The following OXCT1 variants were observed in gnomAD, a reference collection of about 807,000 sequenced individuals.
The protein encoded by OXCT1 is succinyl-CoA:3-ketoacid coenzyme A transferase 1, mitochondrial.
Under a neutral mutation model 69.6 loss-of-function variants are expected in OXCT1, and 27 were observed. The observed-to-expected ratio is 0.39, with a 90% CI of 0.29 to 0.54. The LOEUF (loss-of-function observed/expected upper bound fraction) is 0.54. Ranked by LOEUF, OXCT1 falls within the 20% of genes least tolerant of loss-of-function variation. OXCT1 has a pLI of 0.72. For synonymous variants in OXCT1, 202 were observed against 217.8 expected, an observed-to-expected ratio of 0.93 and a Z score of 0.64; for missense variants, 437 against 650.2, an observed-to-expected ratio of 0.67 and a Z score of 3.57.
intron 13 of OXCT1, among the ~76,000 whole-genome samples, chr5:41,791,127 C>G (rs1043017861): frequency 6.6e-6 from 1 of 152,144 alleles, no homozygotes; most frequent in African/African-American, 2.4e-5. Context: ...AACTAAACCT[C>G]ATGGACTTGA....
chr5:41,843,655 A>T, intron 5 of OXCT1: 1 of 453,966 alleles, frequency 2.2e-6, no homozygotes, highest in Non-Finnish European at 4.4e-6. Context: ...ACTGCACAAA[A>T]TGGAGCCATG....
intron 14 of OXCT1, among the ~76,000 whole-genome samples, chr5:41,755,156 A>T (rs1308741171): frequency 1.3e-5 from 2 of 152,040 alleles, no homozygotes; most frequent in Admixed American, 1.3e-4. Context: ...TATTTTAGAA[A>T]ATGTGGAGAC....
intron 13 of OXCT1, among the ~76,000 whole-genome samples, chr5:41,780,985 G>T (rs896961836): frequency 6.6e-6 from 1 of 151,450 alleles, no homozygotes; most frequent in Non-Finnish European, 1.5e-5. Context: ...CTCACTGCAA[G>T]CTCTGCCTCC....
At chr5:41,783,816 C>G (rs1215617677) in intron 13 of OXCT1, among the ~76,000 whole-genome samples, 1 of 152,156 alleles carries the variant, frequency 6.6e-6, no homozygotes, top group Non-Finnish European at 1.5e-5. Flanking sequence ...TTCCAGTGAA[C>G]AGTCAAAGTC....
chr5:41,826,096 C>A (rs1221261451), intron 7 of OXCT1, among the ~76,000 whole-genome samples: 3 of 152,118 alleles, frequency 2.0e-5, no homozygotes, highest in African/African-American at 7.2e-5. Context: ...ACCTTGCTCT[C>A]GTGAAGGTGT....
rs1742631579 is a variant in OXCT1 at position 41,731,632 on chromosome 5, A to G, written c.*97T>C. On this transcript the variant is annotated 3_prime_UTR_variant, in exon 17 of 17. Transcript: ENST00000196371. The stretch of plus-strand genomic sequence containing the variant: ...AACACAAGAAAACTAATAAAAAACC[A>G]CCTGTTAAATACACAATTATGATTA... 6.7e-7 allele frequency: 1 copy of G among 1,498,904 alleles called. No individual in the cohort carries two copies. The highest frequency in any genetic ancestry group is 1.4e-5 in the African/African-American group (1 of 71,728). 92.9% of individuals were successfully genotyped at this position (1,498,904 alleles called of 1,614,324 possible). A position where few individuals can be genotyped will look rare whatever the true frequency, so the allele number is the denominator to read the frequency against.
At chr5:41,810,191 G>A (rs963996514) in intron 7 of OXCT1, among the ~76,000 whole-genome samples, 2 of 151,984 alleles carry the variant, frequency 1.3e-5, no homozygotes, top group Non-Finnish European at 2.9e-5. Context: ...AGGAGCAATG[G>A]GAGGATTAAA....
intron 14 of OXCT1, among the ~76,000 whole-genome samples, chr5:41,757,001 C>T (rs1744108719): frequency 6.6e-6 from 1 of 151,896 alleles, no homozygotes; most frequent in African/African-American, 2.4e-5. Context: ...GTCTACAAAC[C>T]ATGGAAGTCT....
intron 4 of OXCT1, 51 bp downstream of exon 4, chr5:41,853,368 A>T (rs1418587764): frequency 6.5e-7 from 1 of 1,550,262 alleles, no homozygotes; most frequent in Non-Finnish European, 8.9e-7. Flanking sequence ...CGGAGAAAAA[A>T]GGAATTTTTA....
At chr5:41,841,091 C>T (rs1187693390) in intron 6 of OXCT1, among the ~76,000 whole-genome samples, 2 of 152,142 alleles carry the variant, frequency 1.3e-5, no homozygotes, top group Non-Finnish European at 2.9e-5. Flanking sequence ...CATCAGACCC[C>T]GAGGTGTAAA....
intron 4 of OXCT1, among the ~76,000 whole-genome samples, chr5:41,853,207 A>G (rs1386356498): frequency 6.6e-6 from 1 of 152,222 alleles, no homozygotes; most frequent in African/African-American, 2.4e-5. Context: ...TGCAGCCTGG[A>G]TATCTTTTAG....
At chr5:41,822,676 G>T (rs1216415596) in intron 7 of OXCT1, among the ~76,000 whole-genome samples, 1 of 152,056 alleles carries the variant, frequency 6.6e-6, no homozygotes, top group East Asian at 1.9e-4. Flanking sequence ...GTTTCACCAT[G>T]TTCATCAGGC....
intron 7 of OXCT1, among the ~76,000 whole-genome samples, chr5:41,830,366 C>A (rs546544330): frequency 6.6e-6 from 1 of 152,264 alleles, no homozygotes; most frequent in East Asian, 1.9e-4. Context: ...CTTAAAAGAA[C>A]TTGTGTCAAG....
At chr5:41,850,360 C>T (rs1749122851) in intron 4 of OXCT1, among the ~76,000 whole-genome samples, 181 bp from the exon 5 acceptor site, 1 of 152,058 alleles carries the variant, frequency 6.6e-6, no homozygotes, top group African/African-American at 2.4e-5. Context: ...AAGTTACTGC[C>T]CCTCTAGAAC....
intron 16 of OXCT1, among the ~76,000 whole-genome samples, chr5:41,732,785 T>C (rs1193010325): frequency 1.3e-5 from 2 of 152,226 alleles, no homozygotes; most frequent in African/African-American, 4.8e-5. Flanking sequence ...TAATAGAGGT[T>C]AAATCATCAG....
chr5:41,804,653 A>C (rs570345688), intron 9 of OXCT1, among the ~76,000 whole-genome samples: 17 of 152,094 alleles, frequency 1.1e-4, no homozygotes, highest in African/African-American at 3.9e-4. Flanking sequence ...CTTTTCCCCT[A>C]TGTGAGTTTG....
intron 16 of OXCT1, 54 bp downstream of exon 16, chr5:41,739,336 A>T: frequency 1.7e-6 from 2 of 1,148,660 alleles, no homozygotes; most frequent in Admixed American, 1.7e-5. Flanking sequence ...AACACCCATT[A>T]ATCAAGCCTA....
chr5:41,819,687 T>C (rs1172443682), intron 7 of OXCT1, among the ~76,000 whole-genome samples: 1 of 150,858 alleles, frequency 6.6e-6, no homozygotes, highest in Non-Finnish European at 1.5e-5. Context: ...TTAAACACAA[T>C]CTATGTCCTC....
At chr5:41,807,259 C>G in intron 8 of OXCT1, 72 bp downstream of exon 8, 1 of 848,894 alleles carries the variant, frequency 1.2e-6, no homozygotes, top group Non-Finnish European at 2.0e-6. Context: ...CCCATCATCT[C>G]GAATGGCCCC....
Sources: allele counts gnomAD v4.1 joint callset (sites outside exome capture counted in the v4.1 genomes callset), GRCh38; gene constraint gnomAD v4.1.1; transcripts MANE v1.5; gene names NCBI Gene and HGNC (gene_info 2026-07-23, HGNC 2026-07-21).